CYTH4: variants seen among roughly 807,000 people sequenced by gnomAD.
CYTH4 encodes the protein cytohesin-4.
In CYTH4, 22 loss-of-function variants were observed where a neutral mutation model predicts 57.5. The ratio of observed to expected loss-of-function variants is 0.38; its 90% CI spans 0.27 to 0.55. CYTH4 has a LOEUF of 0.55. Among genes scored for constraint, CYTH4 ranks in the 20% least tolerant of loss-of-function variants. The pLI, the probability that CYTH4 is intolerant of heterozygous loss-of-function variation, is 0.74. For synonymous variants in CYTH4, 186 were observed against 206.5 expected, an observed-to-expected ratio of 0.90 and a Z score of 0.85; for missense variants, 420 against 535.6, an observed-to-expected ratio of 0.78 and a Z score of 2.13.
intron 8 of CYTH4, chr22:37,304,066 A>G: frequency 2.4e-6 from 1 of 424,232 alleles, no homozygotes; most frequent in African/African-American, 2.0e-5. Context: ...GGAGCTCTGG[A>G]GACGCAGATC....
intron 1 of CYTH4, among the ~76,000 whole-genome samples, chr22:37,285,718 C>CAA (rs1471375156): frequency 6.6e-6 from 1 of 152,184 alleles, no homozygotes; most frequent in African/African-American, 2.4e-5. Flanking sequence ...CTCAAACAAA[C>CAA]AAACAAACAA....
Position 37,313,453 on chromosome 22 carries a change from G to A in CYTH4, c.1127G>A (p.Arg376His), listed in dbSNP as rs748554960. 3.2e-5 allele frequency: 52 copies of A among 1,613,982 alleles called. No individual in the cohort carries two copies. The highest frequency in any genetic ancestry group is 2.0e-4 in the South Asian group (18 of 91,080). Reference sequence around the variant, plus strand: ...ACTCATTCTAGAGCCAGCATCACCCGTGTCCCCTTCTACGACCTGGTCTCT... The same window carrying A: ...ACTCATTCTAGAGCCAGCATCACCCATGTCCCCTTCTACGACCTGGTCTCT... ...WIESIRASIT[R>H]VPFYDLVSTR... The change falls in exon 13 of 13, where the codon CGT (arginine) becomes CAT (histidine). Residue 376 changes from arginine (R) to histidine (H), a missense_variant. By Grantham distance (29) the Arg-to-His change is conservative. Transcript: ENST00000248901.
At chr22:37,307,721 G>A (rs935910426) in intron 8 of CYTH4, among the ~76,000 whole-genome samples, 4 of 152,220 alleles carry the variant, frequency 2.6e-5, no homozygotes, top group Non-Finnish European at 4.4e-5. Context: ...CAAACACAGC[G>A]AAAGGAAATG....
intron 3 of CYTH4, 120 bp downstream of exon 3, chr22:37,294,844 C>A: frequency 1.6e-6 from 2 of 1,239,198 alleles, no homozygotes; most frequent in Non-Finnish European, 2.3e-6. Context: ...CAGGGATTGG[C>A]CAGGGAGAAG....
Position 37,303,360 on chromosome 22 carries a change from C to A in CYTH4, c.654C>A (p.Arg218=). 2 of 1,614,132 alleles carry A rather than the reference C, an allele frequency of 1.2e-6. No homozygotes were observed. The highest frequency in any genetic ancestry group is 1.7e-6 in the Non-Finnish European group (2 of 1,180,018). The change falls in exon 8 of 13, where the codon CGC becomes CGA. Residue 218 remains arginine (R), a synonymous_variant. Coordinates refer to ENST00000248901, the MANE Select transcript of CYTH4 (RefSeq NM_013385.5). The part of the protein sequence containing the change: ...PPFERFVSMN[R]GINNGSDLPE... Reference sequence around the variant, plus strand: ...TTGAGCGCTTTGTGTCCATGAACCGCGGCATCAACAATGGTAGCGACCTGC... The same window carrying A: ...TTGAGCGCTTTGTGTCCATGAACCGAGGCATCAACAATGGTAGCGACCTGC...
At position 37,299,255 on chromosome 22, in the gene CYTH4, C is replaced by T; in HGVS notation, c.383C>T (p.Ala128Val). Residue 128 changes from alanine to valine, a missense_variant, in exon 6 of 13, where the codon GCC (alanine) becomes GTC (valine). By Grantham distance (64) the Ala-to-Val change is moderately conservative (BLOSUM62 0). Coordinates refer to ENST00000248901, the MANE Select transcript of CYTH4 (RefSeq NM_013385.5). ...RDPINLQVLQ[A>V]FVDCHEFANL... is the part of the protein sequence containing the mutation. ...CCCATCAACCTGCAGGTCCTCCAGG[C>T]CTTCGTGGACTGCCACGAGTTCGCC... is the stretch of plus-strand genomic sequence containing the variant. 1 of 1,614,060 alleles carries T rather than the reference C, an allele frequency of 6.2e-7. No homozygotes were observed. Among genetic ancestry groups the T allele is most frequent in the Non-Finnish European group, 8.5e-7 (1 of 1,179,968 alleles).
rs750903557 is a variant in CYTH4, at chr22:37,310,976, G to A, written c.809-12G>A. 1.9e-6 allele frequency: 3 copies of A among 1,613,960 alleles called. No homozygotes were observed. The highest frequency in any genetic ancestry group is 1.3e-5 in the African/African-American group (1 of 75,046). ...GGAGGACTGACCAGCTTGCTACATT[G>A]GCCTTGCGCAGGGGGCCGCGTGAAG... On this transcript the variant is annotated splice_polypyrimidine_tract_variant and intron_variant, in intron 9 of 12. Coordinates refer to ENST00000248901, the MANE Select transcript of CYTH4 (RefSeq NM_013385.5).
intron 1 of CYTH4, among the ~76,000 whole-genome samples, chr22:37,284,959 G>A (rs1013323731): frequency 2.0e-5 from 3 of 152,144 alleles, no homozygotes; most frequent in Admixed American, 6.5e-5. Context: ...GGGGGGCGGC[G>A]GGGGAGGAAG....
chr22:37,286,684 AAAGGCTTTTGG>A (rs1474386963), intron 1 of CYTH4, among the ~76,000 whole-genome samples: 1 of 152,118 alleles, frequency 6.6e-6, no homozygotes, highest in Non-Finnish European at 1.5e-5. Flanking sequence ...ATGGTGGTGC[AAAGGCTTTTGG>A]AAGGCTAGAG....
chr22:37,310,906 T>A, intron 9 of CYTH4, 82 bp from the exon 10 acceptor site: 7 of 1,475,902 alleles, frequency 4.7e-6, no homozygotes, highest in Non-Finnish European at 6.6e-6. Flanking sequence ...GGGGAAAGCA[T>A]CCGAGGACCT....
At chr22:37,291,808 T>G (rs1296764453) in intron 1 of CYTH4, among the ~76,000 whole-genome samples, 2 of 152,200 alleles carry the variant, frequency 1.3e-5, no homozygotes, top group Non-Finnish European at 2.9e-5. Flanking sequence ...GTTGTGGGCA[T>G]CATCACAGCA....
At chr22:37,312,989 C>G (rs1484477036) in intron 12 of CYTH4, among the ~76,000 whole-genome samples, 2 of 152,218 alleles carry the variant, frequency 1.3e-5, no homozygotes, top group Non-Finnish European at 2.9e-5. Context: ...GTGAGGCTGC[C>G]AGGCAGACCC....
At chr22:37,307,320 AC>A (rs1295120896) in intron 8 of CYTH4, among the ~76,000 whole-genome samples, 3 of 151,908 alleles carry the variant, frequency 2.0e-5, no homozygotes, top group African/African-American at 7.3e-5. Context: ...GGCAGTGAAG[AC>A]CCCCGTCTGC....
In CYTH4 at chr22:37,297,903, G is replaced by A. The variant is rs893533351; in HGVS notation, c.353+221G>A. 3 of 436,474 alleles carry A rather than the reference G, an allele frequency of 6.9e-6. No individual in the cohort carries two copies. In the East Asian group the frequency reaches 1.3e-4, roughly 19 times the overall value. The allele number at this position is 436,474 out of a possible 1,614,324, so 27.0% of individuals were successfully genotyped here. On this transcript the variant is annotated intron_variant, in intron 5 of 12. Coordinates refer to ENST00000248901, the MANE Select transcript of CYTH4 (RefSeq NM_013385.5). ...AAATAAATGTTGCTCAGGGTCTACTGTGTTCCAGGCACCATCCTAAGCCCT... is the reference window on the plus strand; with the variant it reads ...AAATAAATGTTGCTCAGGGTCTACTATGTTCCAGGCACCATCCTAAGCCCT...
Position 37,292,709 on chromosome 22 carries a change from T to A in CYTH4, c.102+6T>A, listed in dbSNP as rs1928794051. 6.2e-7 allele frequency: 1 copy of A among 1,612,752 alleles called. No individual in the cohort carries two copies. The highest frequency in any genetic ancestry group is 8.5e-7 in the Non-Finnish European group (1 of 1,179,700). On this transcript the variant is annotated splice_donor_region_variant and intron_variant, in intron 2 of 12. Coordinates refer to ENST00000248901, the MANE Select transcript of CYTH4 (RefSeq NM_013385.5). ...AGCTCCTGGAGGACATCCAGGTGAG[T>A]GCACACTCGTGTCCACACACGTGTC...
At chr22:37,300,735 G>T (rs867722105) in intron 6 of CYTH4, 172 bp from the exon 7 acceptor site, 2 of 610,250 alleles carry the variant, frequency 3.3e-6, no homozygotes, top group South Asian at 1.9e-5. Context: ...GCTACCTCCC[G>T]CGTGCTTGGG....
intron 1 of CYTH4, among the ~76,000 whole-genome samples, chr22:37,285,350 TGTGGTGGTG>T (rs147807027): frequency 4.0e-5 from 6 of 151,496 alleles, no homozygotes; most frequent in East Asian, 3.9e-4. Context: ...AAACGGGGTG[TGTGGTGGTG>T]GTGGTGGTGG....
chr22:37,308,526 GTC>G (rs1447770390), intron 8 of CYTH4, among the ~76,000 whole-genome samples: 1 of 150,904 alleles, frequency 6.6e-6, no homozygotes, highest in African/African-American at 2.5e-5. Context: ...GTGTATATGT[GTC>G]TGTGAGTGTG....
chr22:37,299,078 G>A (rs1035859842), intron 5 of CYTH4, 148 bp from the exon 6 acceptor site: 1 of 658,520 alleles, frequency 1.5e-6, no homozygotes, highest in South Asian at 1.7e-5. Context: ...GATATGGGTG[G>A]GACAGATGTG....
Sources: gnomAD v4.1 joint callset for allele counts (sites outside exome capture counted in the v4.1 genomes callset) on GRCh38, gnomAD v4.1.1 for gene constraint, MANE v1.5 for transcripts, NCBI Gene and HGNC (gene_info 2026-07-23, HGNC 2026-07-21) for gene names.